The following FAM177A1 variants were observed in gnomAD, a reference collection of about 807,000 sequenced individuals.
FAM177A1 encodes the protein protein FAM177A1.
Under a neutral mutation model 26.1 loss-of-function variants are expected in FAM177A1, and 22 were observed. The observed-to-expected ratio is 0.84, with a 90% confidence interval of 0.60 to 1.20. The LOEUF is 1.20. FAM177A1 is among the 50% of genes most tolerant of loss of function. The probability of loss-of-function intolerance (pLI) is 0.00; values close to 1 mark genes in which losing one functional copy is unlikely to be tolerated. For missense variants in FAM177A1, 296 were observed against 291.1 expected (o/e 1.02, Z -0.12); for synonymous variants, 95 against 99.3 (o/e 0.96, Z 0.26).
chr14:35,069,229 C>T (rs1325932380), intron 2 of FAM177A1, among the ~76,000 whole-genome samples: 1 of 151,088 alleles, frequency 6.6e-6, no homozygotes, highest in Non-Finnish European at 1.5e-5. Flanking sequence ...TTGAATGTAT[C>T]GTTGGGTTTC....
chr14:35,060,754 C>A (rs1490557391), intron 2 of FAM177A1, among the ~76,000 whole-genome samples: 3 of 152,042 alleles, frequency 2.0e-5, no homozygotes, highest in Non-Finnish European at 4.4e-5. Flanking sequence ...AGTAGTCCCC[C>A]CTTTATTTGT....
chr14:35,046,366 A>G lies in FAM177A1; in HGVS notation c.-98A>G. The G allele has an allele frequency of 7.5e-7, 1 of 1,339,224 alleles. No individual in the cohort carries two copies. The highest frequency in any genetic ancestry group is 9.8e-7 in the Non-Finnish European group (1 of 1,025,568). The allele number at this position is 1,339,224 out of a possible 1,614,324, so 83.0% of individuals were successfully genotyped here. A position where few individuals can be genotyped will look rare whatever the true frequency, so the allele number is the denominator to read the frequency against. On this transcript the variant is annotated 5_prime_UTR_variant, in exon 1 of 5. Coordinates refer to ENST00000280987, the MANE Select transcript of FAM177A1 (RefSeq NM_173607.5). The stretch of plus-strand genomic sequence containing the variant: ...CCTCAGGCCGGCGAGTCCCCTTCTC[A>G]GAGACTTGGCTAGGCGCGGCGCGAG...
At chr14:35,074,556 C>A (rs900641183) in intron 2 of FAM177A1, among the ~76,000 whole-genome samples, 9 of 151,704 alleles carry the variant, frequency 5.9e-5, no homozygotes, top group African/African-American at 1.9e-4. Flanking sequence ...GAGCTCCTGA[C>A]CTCAGGTGAT....
chr14:35,061,618 T>G (rs1383137894), intron 2 of FAM177A1, among the ~76,000 whole-genome samples: 97 of 41,938 alleles, frequency 2.3e-3, no homozygotes, highest in Middle Eastern at 0.036. Context: ...TGTTGTGGGG[T>G]GGGGGGAGGG....
chr14:35,049,582 G>A (rs1400003742), intron 1 of FAM177A1, among the ~76,000 whole-genome samples: 2 of 152,080 alleles, frequency 1.3e-5, no homozygotes, highest in African/African-American at 2.4e-5. Context: ...TCAGGAGTTC[G>A]AGACCAGCCT....
Position 35,053,183 on chromosome 14 carries a change from C to T in FAM177A1, c.166-95C>T. On this transcript the variant is annotated intron_variant, in intron 1 of 4. Transcript: ENST00000280987. ...ACCAAAACTGCTTAAAGATTTATTT[C>T]TTTACTACAATAAACCTACCAAAAG... is the stretch of plus-strand genomic sequence containing the variant. 1.6e-5 allele frequency: 18 copies of T among 1,125,230 alleles called. No individual in the cohort carries two copies. The Middle Eastern group carries it at 8.4e-4, about 52-fold the overall frequency. The allele number at this position is 1,125,230 out of a possible 1,614,324, so 69.7% of individuals were successfully genotyped here. A position where few individuals can be genotyped will look rare whatever the true frequency, so the allele number is the denominator to read the frequency against.
chr14:35,078,829 GAAC>G, intron 3 of FAM177A1, 95 bp from the exon 4 acceptor site: 1 of 743,108 alleles, frequency 1.3e-6, no homozygotes, highest in South Asian at 2.6e-5. Context: ...TTGAGAGCAG[GAAC>G]AGTAACTCTT....
intron 2 of FAM177A1, among the ~76,000 whole-genome samples, chr14:35,075,919 G>A (rs1364050127): frequency 2.0e-5 from 3 of 152,146 alleles, no homozygotes; most frequent in Admixed American, 6.6e-5. Context: ...TTAGAATGGC[G>A]ATCATTAAAA....
chr14:35,079,910 A>G (rs577082794), intron 4 of FAM177A1, among the ~76,000 whole-genome samples: 18 of 152,330 alleles, frequency 1.2e-4, no homozygotes, highest in African/African-American at 3.8e-4. Context: ...GTGACTGGAC[A>G]TGAGCCTGGA....
chr14:35,047,809 G>A (rs2044897600), intron 1 of FAM177A1, among the ~76,000 whole-genome samples: 1 of 152,002 alleles, frequency 6.6e-6, no homozygotes, highest in Non-Finnish European at 1.5e-5. Context: ...AGTTGCTCAT[G>A]TATGTAACTC....
chr14:35,058,680 G>T (rs2045100565), intron 2 of FAM177A1, among the ~76,000 whole-genome samples: 1 of 152,066 alleles, frequency 6.6e-6, no homozygotes, highest in African/African-American at 2.4e-5. Context: ...TTTGAGACCA[G>T]CCTGGGAAAT....
intron 4 of FAM177A1, among the ~76,000 whole-genome samples, 198 bp from the exon 5 acceptor site, chr14:35,080,824 T>C (rs1279400870): frequency 1.3e-5 from 2 of 151,594 alleles, no homozygotes; most frequent in African/African-American, 4.8e-5. Flanking sequence ...ACTACTTTCC[T>C]TAAAATGTTT....
At chr14:35,053,242 C>G in intron 1 of FAM177A1, 36 bp from the exon 2 acceptor site, 1 of 1,564,790 alleles carries the variant, frequency 6.4e-7, no homozygotes, top group Admixed American at 2.0e-5. Context: ...ATTAATCTCA[C>G]TTGAAACTCA....
At chr14:35,062,149 A>G (rs757411993) in intron 2 of FAM177A1, among the ~76,000 whole-genome samples, 1 of 152,046 alleles carries the variant, frequency 6.6e-6, no homozygotes, top group Non-Finnish European at 1.5e-5. Flanking sequence ...GTTACCACAG[A>G]CGTTTGCTTT....
chr14:35,050,351 G>A (rs1176009758), intron 1 of FAM177A1: 1 of 151,986 alleles, frequency 6.6e-6, no homozygotes, highest in African/African-American at 2.4e-5. Flanking sequence ...TCTGGTTCAA[G>A]TTGATGTTTG....
intron 2 of FAM177A1, among the ~76,000 whole-genome samples, chr14:35,070,143 A>G (rs888209499): frequency 5.2e-5 from 7 of 134,976 alleles, no homozygotes; most frequent in Admixed American, 2.3e-4. Flanking sequence ...AAAAAAAAAA[A>G]AAAAAAAGAA....
At chr14:35,054,601 G>C (rs1479652484) in intron 2 of FAM177A1, 1 of 152,116 alleles carries the variant, frequency 6.6e-6, no homozygotes, top group African/African-American at 2.4e-5. Flanking sequence ...ATTAAGCATA[G>C]TTACAGAATA....
At chr14:35,079,677 G>A (rs2045449784) in intron 4 of FAM177A1, among the ~76,000 whole-genome samples, 1 of 152,108 alleles carries the variant, frequency 6.6e-6, no homozygotes, top group South Asian at 2.1e-4. Context: ...CAGCATCCAT[G>A]CTCGGGGGCT....
At chr14:35,071,378 A>G (rs1345780424) in intron 2 of FAM177A1, among the ~76,000 whole-genome samples, 1 of 152,216 alleles carries the variant, frequency 6.6e-6, no homozygotes, top group African/African-American at 2.4e-5. Flanking sequence ...AAGAAAAGGT[A>G]GTAGGTCTTA....
Sources: allele counts gnomAD v4.1 joint callset (sites outside exome capture counted in the v4.1 genomes callset), GRCh38; gene constraint gnomAD v4.1.1; transcripts MANE v1.5; gene names NCBI Gene and HGNC (gene_info 2026-07-23, HGNC 2026-07-21).